Variants in TENM2 observed in about 807,000 individuals in gnomAD.
The protein encoded by TENM2 is teneurin-2.
In TENM2, 52 loss-of-function variants were observed where a neutral mutation model predicts 245.2. The ratio of observed to expected loss-of-function variants is 0.21; its 90% CI spans 0.17 to 0.27. The LOEUF is 0.27. TENM2 is among the 10% of genes least tolerant of loss of function. The pLI is 1.00. For missense variants in TENM2, 3,046 were observed against 3,666.8 expected (o/e 0.83, Z 4.37); for synonymous variants, 1,363 against 1,438.9 (o/e 0.95, Z 1.19).
At chr5:167,373,503 T>G (rs1162945951) in intron 1 of TENM2, among the ~76,000 whole-genome samples, 1 of 152,238 alleles carries the variant, frequency 6.6e-6, no homozygotes, top group East Asian at 1.9e-4. Context: ...CTGCATTTTT[T>G]TCATTGTCAT....
intron 14 of TENM2, among the ~76,000 whole-genome samples, chr5:168,194,953 G>A (rs537578563): frequency 2.0e-5 from 3 of 152,162 alleles, no homozygotes; most frequent in East Asian, 3.9e-4. Flanking sequence ...AGAGTGGAAG[G>A]CGGGTGCCCA....
chr5:167,356,202 A>AG (rs1759313207), intron 1 of TENM2, among the ~76,000 whole-genome samples: 1 of 148,492 alleles, frequency 6.7e-6, no homozygotes, highest in African/African-American at 2.5e-5. Context: ...AAAAAAAAAA[A>AG]AAAAAAAAAA....
At chr5:168,134,371 A>AC (rs1208325124) in intron 12 of TENM2, among the ~76,000 whole-genome samples, 1 of 151,850 alleles carries the variant, frequency 6.6e-6, no homozygotes, top group African/African-American at 2.4e-5. Flanking sequence ...TATCATCATC[A>AC]CCATCATTGT....
chr5:166,980,413 C>T, the TENM2 span, among the ~76,000 whole-genome samples: 16 of 152,128 alleles, frequency 1.1e-4, no homozygotes, highest in Admixed American at 9.8e-4. Flanking sequence ...GCAAATTGAA[C>T]TCTAACTCTT....
In TENM2 at chr5:167,359,317, T is replaced by C. The variant is rs541935727; in HGVS notation, c.227-15881T>C. Among the ~76,000 whole-genome samples, 9 of 152,298 alleles carry C rather than the reference T, an allele frequency of 5.9e-5. 1 individual carries two copies. The South Asian group carries it at 6.2e-4, about 11-fold the overall frequency. On this transcript the variant is annotated intron_variant, in intron 1 of 28. Coordinates refer to ENST00000518659, the Ensembl canonical transcript of TENM2. ...TTCATTCCAGCCACAAAGTCCCCCTTGCTCTTCCTAGAATGTGCCAGGCAT... is the reference window on the plus strand; with the variant it reads ...TTCATTCCAGCCACAAAGTCCCCCTCGCTCTTCCTAGAATGTGCCAGGCAT...
intron 2 of TENM2, among the ~76,000 whole-genome samples, chr5:167,659,664 T>G (rs972972275): frequency 6.6e-6 from 1 of 152,220 alleles, no homozygotes; most frequent in Non-Finnish European, 1.5e-5. Flanking sequence ...GATGAATTTA[T>G]GCAGATCAGT....
chr5:167,211,493 A>G, the TENM2 span, among the ~76,000 whole-genome samples: 5 of 152,212 alleles, frequency 3.3e-5, no homozygotes, highest in African/African-American at 9.6e-5. Flanking sequence ...ATAACATAAT[A>G]TGGGTTTCCT....
intron 2 of TENM2, among the ~76,000 whole-genome samples, chr5:167,745,357 G>A (rs1360608632): frequency 1.3e-5 from 2 of 152,168 alleles, no homozygotes; most frequent in East Asian, 3.9e-4. Context: ...TGTTGGCTCT[G>A]CCATCTCTGC....
intron 2 of TENM2, among the ~76,000 whole-genome samples, chr5:167,827,317 G>C (rs1385046118): frequency 6.6e-6 from 1 of 152,120 alleles, no homozygotes; most frequent in Admixed American, 6.5e-5. Flanking sequence ...CTGGTAGGGG[G>C]CAAGGAACAA....
chr5:167,306,059 C>A (rs1368837155), intron 1 of TENM2, among the ~76,000 whole-genome samples: 2 of 152,114 alleles, frequency 1.3e-5, no homozygotes, highest in African/African-American at 2.4e-5. Context: ...AAAAGCTACC[C>A]AGGGTTGCTT....
the TENM2 span, among the ~76,000 whole-genome samples, chr5:167,022,884 A>T: frequency 2.0e-5 from 3 of 152,288 alleles, no homozygotes; most frequent in East Asian, 5.8e-4. Flanking sequence ...ATATTAATGT[A>T]TTTTGCTCAT....
At chr5:167,331,107 G>C (rs910754839) in intron 1 of TENM2, among the ~76,000 whole-genome samples, 1 of 151,598 alleles carries the variant, frequency 6.6e-6, no homozygotes, top group African/African-American at 2.4e-5. Context: ...ATGGTGGCAC[G>C]TGCCTGTAGT....
chr5:167,073,479 A>T, the TENM2 span, among the ~76,000 whole-genome samples: 1 of 151,914 alleles, frequency 6.6e-6, no homozygotes, highest in Non-Finnish European at 1.5e-5. Context: ...GCAGAAAAGG[A>T]TTTTCTTTTT....
chr5:167,680,238 TATG>T (rs1271698094), intron 2 of TENM2, among the ~76,000 whole-genome samples: 2 of 151,858 alleles, frequency 1.3e-5, no homozygotes, highest in African/African-American at 4.8e-5. Flanking sequence ...TTTATACGAT[TATG>T]GACTTTCAGA....
chr5:167,024,247 T>G, the TENM2 span, among the ~76,000 whole-genome samples: 2 of 152,304 alleles, frequency 1.3e-5, no homozygotes, highest in Non-Finnish European at 1.5e-5. Context: ...AAAATTTTGG[T>G]AAATCATTAG....
intron 2 of TENM2, among the ~76,000 whole-genome samples, chr5:167,428,544 A>C (rs1180135214): frequency 6.6e-6 from 1 of 152,186 alleles, no homozygotes; most frequent in African/African-American, 2.4e-5. Context: ...TGACTACTTC[A>C]AAGTTTTGAA....
chr5:167,590,506 A>G (rs1356891758), intron 2 of TENM2, among the ~76,000 whole-genome samples: 1 of 152,072 alleles, frequency 6.6e-6, no homozygotes, highest in East Asian at 1.9e-4. Context: ...CACTGTTACT[A>G]TACTGTTTTG....
intron 3 of TENM2, among the ~76,000 whole-genome samples, chr5:167,885,399 A>G (rs1774203316): frequency 6.6e-6 from 1 of 152,234 alleles, no homozygotes; most frequent in Admixed American, 6.5e-5. Context: ...TGAGAAAGTG[A>G]AAAGCAGCTC....
At chr5:167,670,136 C>T (rs1460590837) in intron 2 of TENM2, among the ~76,000 whole-genome samples, 1 of 152,066 alleles carries the variant, frequency 6.6e-6, no homozygotes, top group Non-Finnish European at 1.5e-5. Flanking sequence ...TTAAGAATCA[C>T]CAGAGAAACA....
Sources: gnomAD v4.1 joint callset for allele counts (sites outside exome capture counted in the v4.1 genomes callset) on GRCh38, gnomAD v4.1.1 for gene constraint, MANE v1.5 for transcripts, NCBI Gene and HGNC (gene_info 2026-07-23, HGNC 2026-07-21) for gene names.